Variants in DUS3L observed in about 807,000 individuals in gnomAD.
DUS3L encodes the protein dihydrouridine synthase 3 like.
Under a neutral mutation model 74.6 loss-of-function variants are expected in DUS3L, and 62 were observed. The ratio of observed to expected loss-of-function variants is 0.83; its 90% CI spans 0.68 to 1.03. DUS3L has a LOEUF of 1.03. Ranked by LOEUF, DUS3L falls within the 50% of genes least tolerant of loss-of-function variation. The pLI, the probability that DUS3L is intolerant of heterozygous loss-of-function variation, is 0.00. For missense variants in DUS3L, 884 were observed against 924.4 expected (o/e 0.96, Z 0.57); for synonymous variants, 433 against 395.7 (o/e 1.09, Z -1.12).
At chr19:5,786,086 G>A in intron 10 of DUS3L, 2 of 481,820 alleles carry the variant, frequency 4.2e-6, no homozygotes, top group Non-Finnish European at 7.4e-6. Flanking sequence ...CTAGTAGTTG[G>A]GATTACAGGC....
intron 5 of DUS3L, 61 bp downstream of exon 5, chr19:5,787,963 G>C (rs2056870410): frequency 6.3e-7 from 1 of 1,593,126 alleles, no homozygotes; most frequent in African/African-American, 1.3e-5. Context: ...CCTGGAACCT[G>C]GCTCTGAGAC....
At chr19:5,787,837 G>C (rs1310011672) in intron 5 of DUS3L, 132 bp from the exon 6 acceptor site, 1 of 1,434,780 alleles carries the variant, frequency 7.0e-7, no homozygotes, top group African/African-American at 1.4e-5. Context: ...AAGGAGCCAA[G>C]GTCTGTCTGC....
At position 5,787,067 on chromosome 19, in the gene DUS3L, G is replaced by T. The variant is rs372862791; in HGVS notation, c.1383C>A (p.Leu461=). The T allele has an allele frequency of 1.3e-6, 2 of 1,548,722 alleles. No homozygotes were observed. The highest frequency in any genetic ancestry group is 4.8e-5 in the East Asian group (2 of 41,926). ...GAGGCGTCCCAAGACCCACCGTGAC[G>T]AGTGCCACGCCCCAGTCCCGCAGCT... ...LPELRDWGVA[L]VTLHGRSREQ... Residue 461 remains leucine, a synonymous_variant, in exon 8 of 13, where the codon CTC becomes CTA. Coordinates refer to ENST00000309061, the MANE Select transcript of DUS3L (RefSeq NM_020175.3).
rs777856795 is a variant in DUS3L at position 5,789,607 on chromosome 19, G to T, written c.500C>A (p.Thr167Asn). 2 of 1,593,350 alleles carry T rather than the reference G, an allele frequency of 1.3e-6. No individual in the cohort carries two copies. Residue 167 changes from threonine (T) to asparagine (N), a missense_variant, in exon 3 of 13, where the codon ACC (threonine) becomes AAC (asparagine). Coordinates refer to ENST00000309061, the MANE Select transcript of DUS3L (RefSeq NM_020175.3). ...CACGCCGTAGGGGCACCGGCCGAAG[G>T]TCTCGAAGAGCACGCAGCGGGGGCC... ...DLGPRCVLFE[T>N]FGRCPYGVTC...
chr19:5,785,801 G>A lies in DUS3L; in HGVS notation c.1563-10C>T, dbSNP rs8107987. The A allele has an allele frequency of 0.042, 65,794 of 1,574,144 alleles. 3,208 individuals are homozygous for A. Among genetic ancestry groups the A allele is most frequent in the African/African-American group, 0.24 (18,053 of 74,360 alleles). ...CTTGAGCAGGGCGCCACTGTGGGAC[G>A]GGTGACGATCAGTGGGCCCAGCCAC... On this transcript the variant is annotated splice_polypyrimidine_tract_variant and intron_variant, in intron 10 of 12. Coordinates refer to ENST00000309061, the MANE Select transcript of DUS3L (RefSeq NM_020175.3).
intron 7 of DUS3L, 60 bp from the exon 8 acceptor site, chr19:5,787,231 G>GAC (rs2056861146): frequency 6.4e-7 from 1 of 1,555,570 alleles, no homozygotes; most frequent in Non-Finnish European, 8.8e-7. Context: ...GACGGTGGGA[G>GAC]GTGGTGGGAG....
chr19:5,785,774 G>A lies in DUS3L; in HGVS notation c.1580C>T (p.Pro527Leu), dbSNP rs755435601. 8 of 1,602,770 alleles carry A rather than the reference G, an allele frequency of 5.0e-6. No homozygotes were observed. The highest frequency in any genetic ancestry group is 6.8e-6 in the Non-Finnish European group (8 of 1,176,056). ...IMIARGALLK[P>L]WLFTEIKEQR... is the part of the protein sequence containing the mutation. ...CTCCTTGATCTCCGTGAAGAGCCAC[G>A]GCTTGAGCAGGGCGCCACTGTGGGA... Residue 527 changes from proline to leucine, a missense_variant, in exon 11 of 13, where the codon CCG becomes CTG. Coordinates refer to ENST00000309061, the MANE Select transcript of DUS3L (RefSeq NM_020175.3).
chr19:5,789,314 C>G lies in DUS3L; in HGVS notation c.793G>C (p.Val265Leu). The change falls in exon 3 of 13, where the codon GTC becomes CTC. Residue 265 changes from valine (V) to leucine (L), a missense_variant. Physicochemically the swap from Val to Leu is conservative, Grantham distance 32 (BLOSUM62 1). Coordinates refer to ENST00000309061, the MANE Select transcript of DUS3L (RefSeq NM_020175.3). ...PRQENCGAQQ[V>L]PAGPGTSTPP... ...GTGCTAGTGCCCGGCCCTGCGGGGA[C>G]CTGCTGGGCACCACAGTTTTCCTGC... is the stretch of plus-strand genomic sequence containing the variant. 2 of 1,604,904 alleles carry G rather than the reference C, an allele frequency of 1.2e-6. No homozygotes were observed. The highest frequency in any genetic ancestry group is 1.7e-6 in the Non-Finnish European group (2 of 1,176,130).
In DUS3L at chr19:5,787,851, G is replaced by A. The variant is rs1161599179; in HGVS notation, c.1096-146C>T. ...GAAGGAGCCAAGGTCTGTCTGCGAGGCACCGGTCCCCGGCCACGGCCATCA... is the reference window on the plus strand; with the variant it reads ...GAAGGAGCCAAGGTCTGTCTGCGAGACACCGGTCCCCGGCCACGGCCATCA... On this transcript the variant is annotated intron_variant, in intron 5 of 12. Transcript: ENST00000309061. 6.3e-6 allele frequency: 9 copies of A among 1,425,472 alleles called. No individual in the cohort carries two copies. In the Admixed American group the frequency reaches 7.3e-5, roughly 12 times the overall value. 88.3% of individuals were successfully genotyped at this position (1,425,472 alleles called of 1,614,324 possible).
At chr19:5,788,938 T>C (rs1455201355) in intron 3 of DUS3L, among the ~76,000 whole-genome samples, 8 of 152,124 alleles carry the variant, frequency 5.3e-5, no homozygotes, top group African/African-American at 1.7e-4. Context: ...AACTCCCGAC[T>C]TCAAATGATC....
Position 5,787,314 on chromosome 19 carries a change from G to T in DUS3L, c.1260C>A (p.Ile420=), listed in dbSNP as rs755431326. The T allele has an allele frequency of 6.9e-6, 11 of 1,604,442 alleles. No homozygotes were observed. Among genetic ancestry groups the T allele is most frequent in the Non-Finnish European group, 9.4e-6 (11 of 1,176,308 alleles). The stretch of plus-strand genomic sequence containing the variant: ...GCCGTACCTGGTTCATGCCACGGAC[G>T]ATCTGCTGGAACTTGGTGGAGCGAT... ...LMNRSTKFQQ[I]VRGMNQVLDV... Residue 420 remains isoleucine, a synonymous_variant, in exon 7 of 13, where the codon ATC becomes ATA. Transcript: ENST00000309061.
intron 10 of DUS3L, 119 bp downstream of exon 10, chr19:5,786,348 T>C: frequency 3.2e-6 from 3 of 951,960 alleles, no homozygotes; most frequent in South Asian, 3.2e-5. Flanking sequence ...CATCGCTCTC[T>C]GCTCCTCCCA....
chr19:5,789,047 C>T, intron 3 of DUS3L, 160 bp downstream of exon 3: 2 of 1,053,326 alleles, frequency 1.9e-6, no homozygotes, highest in Non-Finnish European at 2.6e-6. Context: ...AGGGCTGGGC[C>T]CAGGACAGAG....
rs1371038070 is a variant in DUS3L, at chr19:5,789,457, T to C, written c.650A>G (p.Gln217Arg). 2 of 1,602,206 alleles carry C rather than the reference T, an allele frequency of 1.2e-6. No homozygotes were observed. The highest frequency in any genetic ancestry group is 3.4e-5 in the Admixed American group (2 of 59,648). ...RNGLDKALQQQLRKREVRFER... is the reference protein window; with the variant it reads ...RNGLDKALQQRLRKREVRFER... ...GAAGCGGACCTCGCGCTTCCGCAGC[T>C]GCTGCTGCAGGGCTTTGTCCAGGCC... The change falls in exon 3 of 13, where the codon CAG (glutamine) becomes CGG (arginine). Residue 217 changes from glutamine to arginine, a missense_variant. Coordinates refer to ENST00000309061, the MANE Select transcript of DUS3L (RefSeq NM_020175.3).
chr19:5,788,158 G>A lies in DUS3L; in HGVS notation c.961C>T (p.Arg321Ter), dbSNP rs770830758. The change falls in exon 5 of 13, where the codon CGA becomes TGA. Residue 321 changes from arginine to a stop codon, truncating the protein, a stop_gained. Coordinates refer to ENST00000309061, the MANE Select transcript of DUS3L (RefSeq NM_020175.3). LOFTEE classifies it high-confidence loss of function. ...GCCCCGAAGCGCTTGCAGATCCGTC[G>A]GAAGGGCAGGTTCCCACACTGCGGG... ...PLTTCGNLPF[R>*]RICKRFGADV... 3.7e-6 allele frequency: 6 copies of A among 1,613,506 alleles called. No homozygotes were observed. The highest frequency in any genetic ancestry group is 1.7e-5 in the Admixed American group (1 of 60,028).
chr19:5,787,060 C>T lies in DUS3L; in HGVS notation c.1389+1G>A, dbSNP rs1162788745. 6.5e-7 allele frequency: 1 copy of T among 1,543,996 alleles called. No homozygotes were observed. Among genetic ancestry groups the T allele is most frequent in the South Asian group, 1.2e-5 (1 of 84,354 alleles). ...AATGCCCGAGGCGTCCCAAGACCCA[C>T]CGTGACGAGTGCCACGCCCCAGTCC... On this transcript the variant is annotated splice_donor_variant, in intron 8 of 12. Coordinates refer to ENST00000309061, the MANE Select transcript of DUS3L (RefSeq NM_020175.3). LOFTEE classifies it high-confidence loss of function.
chr19:5,787,896 G>A (rs2056869866), intron 5 of DUS3L, 128 bp downstream of exon 5: 3 of 1,473,406 alleles, frequency 2.0e-6, no homozygotes, highest in Non-Finnish European at 9.1e-7. Context: ...GGTGGATCAG[G>A]GCATCACCCC....
intron 10 of DUS3L, 44 bp from the exon 11 acceptor site, chr19:5,785,835 C>G: frequency 6.6e-7 from 1 of 1,514,846 alleles, no homozygotes; most frequent in Non-Finnish European, 8.9e-7. Context: ...ACCAGCCTGC[C>G]TGGGATCGTG....
chr19:5,787,806 C>T (rs2056868855), intron 5 of DUS3L, 101 bp from the exon 6 acceptor site: 2 of 1,481,416 alleles, frequency 1.4e-6, no homozygotes, highest in Non-Finnish European at 1.9e-6. Flanking sequence ...CCAGTGGCCT[C>T]CTCTCTCGGG....
Sources: gnomAD v4.1 joint callset for allele counts (sites outside exome capture counted in the v4.1 genomes callset) on GRCh38, gnomAD v4.1.1 for gene constraint, MANE v1.5 for transcripts, NCBI Gene and HGNC (gene_info 2026-07-23, HGNC 2026-07-21) for gene names.